NFYA: variants seen among roughly 807,000 people sequenced by gnomAD.
The protein encoded by NFYA is nuclear transcription factor Y subunit alpha, also known as CAAT-box DNA binding protein subunit A.
Under a neutral mutation model 52.8 loss-of-function variants are expected in NFYA, and 28 were observed. That is an observed-to-expected ratio of 0.53 (90% CI 0.39 to 0.73). NFYA has a LOEUF of 0.73. NFYA is among the 30% of genes least tolerant of loss of function. NFYA has a pLI of 0.00. For synonymous variants in NFYA, 150 were observed against 150.7 expected, an observed-to-expected ratio of 1.00 and a Z score of 0.03; for missense variants, 234 against 427.0, an observed-to-expected ratio of 0.55 and a Z score of 3.98.
At chr6:41,080,400 G>C (rs554107535) in intron 2 of NFYA, among the ~76,000 whole-genome samples, 11 of 152,276 alleles carry the variant, frequency 7.2e-5, no homozygotes, top group Non-Finnish European at 1.2e-4. Flanking sequence ...TCCTTTCTTG[G>C]TGATTGCATT....
chr6:41,097,721 G>T lies in NFYA; in HGVS notation c.*311G>T, dbSNP rs368171003. 29 of 250,308 alleles carry T rather than the reference G, an allele frequency of 1.2e-4. No homozygotes were observed. In the East Asian group the frequency reaches 1.6e-3, roughly 14 times the overall value. 15.5% of individuals were successfully genotyped at this position (250,308 alleles called of 1,614,324 possible). Reference sequence around the variant, plus strand: ...GTACACAAAGCACTTACCTTGACTGGTGAAGTCAGCCAGCCATCTCAGCAG... The same window carrying T: ...GTACACAAAGCACTTACCTTGACTGTTGAAGTCAGCCAGCCATCTCAGCAG... On this transcript the variant is annotated 3_prime_UTR_variant, in exon 10 of 10. Coordinates refer to ENST00000341376, the MANE Select transcript of NFYA (RefSeq NM_002505.5).
At chr6:41,092,351 A>AC (rs1195680369) in intron 7 of NFYA, among the ~76,000 whole-genome samples, 1 of 152,108 alleles carries the variant, frequency 6.6e-6, no homozygotes, top group East Asian at 1.9e-4. Flanking sequence ...ATGTAGAGAG[A>AC]CCTCGTTTCT....
intron 3 of NFYA, 58 bp downstream of exon 3, chr6:41,080,955 TG>T: frequency 7.3e-7 from 1 of 1,369,704 alleles, no homozygotes; most frequent in Non-Finnish European, 1.0e-6. Flanking sequence ...TCCTCATGTC[TG>T]GTGCTGTTTG....
intron 4 of NFYA, among the ~76,000 whole-genome samples, chr6:41,088,092 A>G (rs1561853773): frequency 6.6e-6 from 1 of 152,190 alleles, no homozygotes; most frequent in Non-Finnish European, 1.5e-5. Flanking sequence ...CTATTACCAT[A>G]TAACAAATTA....
chr6:41,084,226 C>G (rs1260066358), intron 4 of NFYA, 34 bp downstream of exon 4: 1 of 1,604,836 alleles, frequency 6.2e-7, no homozygotes, highest in Non-Finnish European at 8.5e-7. Flanking sequence ...AGCAGTATAT[C>G]AGAGGAGAGG....
chr6:41,101,381 G>A lies in NFYA; in HGVS notation c.*3971G>A, dbSNP rs76109475. Among the ~76,000 whole-genome samples, 2,028 of 152,234 alleles carry A rather than the reference G, an allele frequency of 0.013. 170 individuals are homozygous for A. In the East Asian group the frequency reaches 0.25, roughly 19 times the overall value. Reference sequence around the variant, plus strand: ...GGGAGGACATCTTTTGGGATGAACCGGCTCAGTCCTTGAGCTCACCCCAAA... The same window carrying A: ...GGGAGGACATCTTTTGGGATGAACCAGCTCAGTCCTTGAGCTCACCCCAAA... On this transcript the variant is annotated 3_prime_UTR_variant, in exon 10 of 10. Coordinates refer to ENST00000341376, the MANE Select transcript of NFYA (RefSeq NM_002505.5).
At chr6:41,082,802 A>G (rs1763944223) in intron 3 of NFYA, among the ~76,000 whole-genome samples, 1 of 152,246 alleles carries the variant, frequency 6.6e-6, no homozygotes, top group African/African-American at 2.4e-5. Context: ...AATAAGGGAA[A>G]GAGATAGCAT....
chr6:41,097,280 G>A lies in NFYA; in HGVS notation c.991-77G>A. On this transcript the variant is annotated intron_variant, in intron 9 of 9. Coordinates refer to ENST00000341376, the MANE Select transcript of NFYA (RefSeq NM_002505.5). ...GGTAAAGTTATGTGTATTCTCTTGG[G>A]GGGATAAGTAGTGAGAGCCATGAGT... 6.8e-6 allele frequency: 9 copies of A among 1,314,800 alleles called. No individual in the cohort carries two copies. The Admixed American group carries it at 1.5e-4, about 22-fold the overall frequency. 81.4% of individuals were successfully genotyped at this position (1,314,800 alleles called of 1,614,324 possible).
At position 41,102,332 on chromosome 6, in the gene NFYA, G is replaced by T. The variant is rs1161590244; in HGVS notation, c.*4922G>T. Among the ~76,000 whole-genome samples the T allele has an allele frequency of 6.6e-6, 1 of 152,026 alleles. No individual in the cohort carries two copies. Among genetic ancestry groups the T allele is most frequent in the Admixed American group, 6.6e-5 (1 of 15,264 alleles). On this transcript the variant is annotated 3_prime_UTR_variant, in exon 10 of 10. Coordinates refer to ENST00000341376, the MANE Select transcript of NFYA (RefSeq NM_002505.5). The stretch of plus-strand genomic sequence containing the variant: ...TCTATTGACTCATTGTTCAAAGGGG[G>T]GGCAGGAGGAGCTAATTTCCTTTGC...
At chr6:41,073,630 G>A (rs529232030) in intron 1 of NFYA, among the ~76,000 whole-genome samples, 1 of 152,092 alleles carries the variant, frequency 6.6e-6, no homozygotes, top group African/African-American at 2.4e-5. Flanking sequence ...CGGGAGGGAG[G>A]CCTGGGGAGG....
chr6:41,077,217 TA>T (rs1265670818), intron 1 of NFYA, among the ~76,000 whole-genome samples: 21 of 152,212 alleles, frequency 1.4e-4, no homozygotes, highest in African/African-American at 5.1e-4. Flanking sequence ...CCTTATTTTT[TA>T]AAATCAATTT....
At position 41,080,825 on chromosome 6, in the gene NFYA, C is replaced by T. The variant is rs1763884995; in HGVS notation, c.90C>T (p.Val30=). ...CCTGTTCTCAGCAGCAGGGTGGTGT[C>T]ACTGCTGTGCAGTTGCAGACTGAGG... ...GQIQQQQQGG[V]TAVQLQTEAQ... The change falls in exon 3 of 10, where the codon GTC becomes GTT. Residue 30 remains valine, a synonymous_variant. Coordinates refer to ENST00000341376, the MANE Select transcript of NFYA (RefSeq NM_002505.5). 1 of 1,613,734 alleles carries T rather than the reference C, an allele frequency of 6.2e-7. No individual in the cohort carries two copies. The highest frequency in any genetic ancestry group is 1.3e-5 in the African/African-American group (1 of 75,050).
chr6:41,084,262 T>G, intron 4 of NFYA, 70 bp downstream of exon 4: 1 of 1,522,430 alleles, frequency 6.6e-7, no homozygotes, highest in South Asian at 1.3e-5. Context: ...TATTACAACC[T>G]ATTTGATAAT....
chr6:41,092,088 T>C (rs759465445), intron 7 of NFYA, among the ~76,000 whole-genome samples: 3 of 151,712 alleles, frequency 2.0e-5, no homozygotes, highest in Non-Finnish European at 4.4e-5. Flanking sequence ...AAAAAAAAAG[T>C]GTCATGTAAA....
intron 8 of NFYA, among the ~76,000 whole-genome samples, chr6:41,093,883 G>T (rs1028651154): frequency 6.6e-6 from 1 of 152,194 alleles, no homozygotes; most frequent in Non-Finnish European, 1.5e-5. Flanking sequence ...GTCCAGCCTG[G>T]TGTGGTGGCA....
At chr6:41,089,844 G>T in intron 5 of NFYA, 134 bp downstream of exon 5, 1 of 1,271,606 alleles carries the variant, frequency 7.9e-7, no homozygotes, top group African/African-American at 1.5e-5. Context: ...TTTTGGCCGG[G>T]CGCGGTGGCT....
Position 41,081,488 on chromosome 6 carries a change from T to G in NFYA, c.162+591T>G, listed in dbSNP as rs1337321401. Among the ~76,000 whole-genome samples, 3 of 145,706 alleles carry G rather than the reference T, an allele frequency of 2.1e-5. No individual in the cohort carries two copies. The East Asian group carries it at 6.0e-4, about 29-fold the overall frequency. ...CTGGGTGACAGAGCGAGACTCCGTC[T>G]CAAAAAAAAAAAAAAGAATTTATTC... On this transcript the variant is annotated intron_variant, in intron 3 of 9. Coordinates refer to ENST00000341376, the MANE Select transcript of NFYA (RefSeq NM_002505.5).
intron 4 of NFYA, among the ~76,000 whole-genome samples, chr6:41,086,724 A>G (rs753085645): frequency 6.6e-6 from 1 of 152,196 alleles, no homozygotes; most frequent in Non-Finnish European, 1.5e-5. Flanking sequence ...AACCAGAGAG[A>G]CAGCCAAGAA....
chr6:41,093,607 A>C (rs1764257647), intron 8 of NFYA, among the ~76,000 whole-genome samples: 1 of 151,910 alleles, frequency 6.6e-6, no homozygotes, highest in South Asian at 2.1e-4. Context: ...AGTAGCTGGG[A>C]TTACAGGTGT....
Sources: allele counts gnomAD v4.1 joint callset (sites outside exome capture counted in the v4.1 genomes callset), GRCh38; gene constraint gnomAD v4.1.1; transcripts MANE v1.5; gene names NCBI Gene and HGNC (gene_info 2026-07-23, HGNC 2026-07-21).